Variants in KCNIP1 observed in about 807,000 individuals in gnomAD.
KCNIP1 encodes potassium voltage-gated channel interacting protein 1, also known as A-type potassium channel modulatory protein KCNIP1.
A neutral mutation model predicts 33.0 loss-of-function variants in KCNIP1; 18 were observed. The observed-to-expected ratio is 0.55, with a 90% CI of 0.38 to 0.81. The LOEUF is 0.81. KCNIP1 is among the 30% of genes least tolerant of loss of function. The pLI, the probability that KCNIP1 is intolerant of heterozygous loss-of-function variation, is 0.00. For synonymous variants in KCNIP1, 93 were observed against 98.3 expected (o/e 0.95, Z 0.32); for missense variants, 238 against 271.6 (o/e 0.88, Z 0.87).
intron 1 of KCNIP1, among the ~76,000 whole-genome samples, chr5:170,591,041 CTG>C (rs1561704653): frequency 6.6e-6 from 1 of 152,254 alleles, no homozygotes; most frequent in East Asian, 1.9e-4. Context: ...AACAAGGACA[CTG>C]TGCACCTTTG....
intron 1 of KCNIP1, among the ~76,000 whole-genome samples, chr5:170,604,056 A>T (rs1468070419): frequency 6.6e-6 from 1 of 152,126 alleles, no homozygotes; most frequent in Non-Finnish European, 1.5e-5. Flanking sequence ...TTGAAGTAGG[A>T]TGGAGAGGAA....
At chr5:170,368,461 C>T (rs1763757254) in intron 1 of KCNIP1, among the ~76,000 whole-genome samples, 1 of 152,072 alleles carries the variant, frequency 6.6e-6, no homozygotes, top group South Asian at 2.1e-4. Flanking sequence ...GACAGGGTTT[C>T]ACAATGTTTT....
chr5:170,633,624 C>T (rs1030809051), intron 1 of KCNIP1, among the ~76,000 whole-genome samples: 13 of 146,712 alleles, frequency 8.9e-5, no homozygotes, highest in South Asian at 2.3e-4. Flanking sequence ...AGCTAAAAGG[C>T]CAGGGACAGA....
At chr5:170,438,976 C>T (rs1346207384) in intron 1 of KCNIP1, among the ~76,000 whole-genome samples, 1 of 152,162 alleles carries the variant, frequency 6.6e-6, no homozygotes, top group Non-Finnish European at 1.5e-5. Flanking sequence ...GCACTCTTCC[C>T]CTGGCTTCTG....
rs771280031 is a variant in KCNIP1 at position 170,383,753 on chromosome 5, A to G, written c.88+29789A>G. The G allele has an allele frequency of 7.4e-6, 12 of 1,614,060 alleles. No individual in the cohort carries two copies. Among genetic ancestry groups the G allele is most frequent in the Middle Eastern group, 1.6e-4 (1 of 6,084 alleles). ...CTGCCGGCAGCTGACACGTTGACCC[A>G]CAGGCATGGGTACTGGGGCACCTTC... On this transcript the variant is annotated intron_variant, in intron 1 of 7. Coordinates refer to the KCNIP1 transcript ENST00000377360.
chr5:170,670,167 G>A (rs1761858469), intron 1 of KCNIP1, among the ~76,000 whole-genome samples: 1 of 152,196 alleles, frequency 6.6e-6, no homozygotes, highest in South Asian at 2.1e-4. Context: ...AGGATCGAAA[G>A]GCCAGGTTCC....
intron 1 of KCNIP1, among the ~76,000 whole-genome samples, chr5:170,573,499 CTATTT>C (rs992856730): frequency 4.5e-4 from 69 of 152,154 alleles, no homozygotes; most frequent in African/African-American, 1.6e-3. Context: ...CATCAATTTA[CTATTT>C]TAGGTTGTCT....
intron 1 of KCNIP1, among the ~76,000 whole-genome samples, chr5:170,635,133 A>G (rs973276385): frequency 1.3e-5 from 2 of 152,178 alleles, no homozygotes; most frequent in African/African-American, 4.8e-5. Context: ...GGGCTAAGGC[A>G]ATTCTTGTGC....
chr5:170,615,916 T>C (rs542759977), intron 1 of KCNIP1, among the ~76,000 whole-genome samples: 2 of 152,256 alleles, frequency 1.3e-5, no homozygotes, highest in East Asian at 3.9e-4. Context: ...TAGCTGGGTT[T>C]GTTGTTGTTT....
At chr5:170,707,210 G>T (rs901077380) in intron 1 of KCNIP1, among the ~76,000 whole-genome samples, 4 of 151,290 alleles carry the variant, frequency 2.6e-5, no homozygotes, top group South Asian at 2.1e-4. Context: ...AGACAAAAAG[G>T]TCCACTTAAA....
rs551711692 is a variant in KCNIP1, at chr5:170,631,534, G to A, written c.62-87224G>A. The stretch of plus-strand genomic sequence containing the variant: ...GCAAAAGAAACGCAGGGGCTTTCCC[G>A]AATGGAATTTTAGAAACACACAGAA... On this transcript the variant is annotated intron_variant, in intron 1 of 7. Transcript: ENST00000328939. Among the ~76,000 whole-genome samples the A allele has an allele frequency of 3.5e-4, 54 of 152,304 alleles. No homozygotes were observed. The South Asian group carries it at 9.7e-3, about 27-fold the overall frequency.
At chr5:170,732,943 C>A (rs1764255297) in intron 6 of KCNIP1, 39 bp downstream of exon 6, 3 of 1,311,414 alleles carry the variant, frequency 2.3e-6, no homozygotes, top group Non-Finnish European at 3.3e-6. Flanking sequence ...GTAAGCCCAG[C>A]CTAGATCAAG....
chr5:170,430,683 C>T lies in KCNIP1; in HGVS notation c.88+76719C>T, dbSNP rs777157185. Among the ~76,000 whole-genome samples, 13 of 152,288 alleles carry T rather than the reference C, an allele frequency of 8.5e-5. 1 individual carries two copies. The highest frequency in any genetic ancestry group is 3.4e-3 in the Middle Eastern group (1 of 294). On this transcript the variant is annotated intron_variant, in intron 1 of 7. Transcript: ENST00000377360. ...TGCTTGCTAAACCAAAGACTCAGCC[C>T]CTCATCAGGAACCAGTGAAGGACAG... is the stretch of plus-strand genomic sequence containing the variant.
At chr5:170,603,330 G>A (rs1295786745) in intron 1 of KCNIP1, among the ~76,000 whole-genome samples, 1 of 152,230 alleles carries the variant, frequency 6.6e-6, no homozygotes, top group African/African-American at 2.4e-5. Context: ...GCGGGGAGGA[G>A]GGGCTGAAGG....
intron 1 of KCNIP1, among the ~76,000 whole-genome samples, chr5:170,432,365 G>C (rs1008971521): frequency 6.6e-6 from 1 of 152,146 alleles, no homozygotes; most frequent in Non-Finnish European, 1.5e-5. Flanking sequence ...TATGTATTGG[G>C]AATGGTGCCT....
rs766653856 is a variant in KCNIP1, at chr5:170,378,760, T to A, written c.88+24796T>A. On this transcript the variant is annotated intron_variant, in intron 1 of 7. Coordinates refer to the KCNIP1 transcript ENST00000377360. ...TGGTTGCTCTTCACCATGGCGATAA[T>A]GAGGAGGCCACCGGTCAGCAGGAAG... The A allele has an allele frequency of 3.7e-6, 6 of 1,613,984 alleles. No individual in the cohort carries two copies. The Admixed American group carries it at 1.0e-4, about 27-fold the overall frequency.
At chr5:170,622,412 A>G (rs1304309899) in intron 1 of KCNIP1, among the ~76,000 whole-genome samples, 1 of 152,082 alleles carries the variant, frequency 6.6e-6, no homozygotes, top group African/African-American at 2.4e-5. Flanking sequence ...ACTTGAGGTT[A>G]GGAGTTCAAG....
chr5:170,538,625 A>C (rs1350535641), intron 1 of KCNIP1, among the ~76,000 whole-genome samples: 1 of 151,658 alleles, frequency 6.6e-6, no homozygotes, highest in Non-Finnish European at 1.5e-5. Flanking sequence ...CCCTTGCACC[A>C]GCTGTGTCCT....
chr5:170,597,186 C>T (rs1297021096), intron 1 of KCNIP1, among the ~76,000 whole-genome samples: 2 of 152,164 alleles, frequency 1.3e-5, no homozygotes, highest in South Asian at 2.1e-4. Flanking sequence ...CATTTAGGCC[C>T]GCACGGTGGG....
Sources: gnomAD v4.1 joint callset for allele counts (sites outside exome capture counted in the v4.1 genomes callset) on GRCh38, gnomAD v4.1.1 for gene constraint, MANE v1.5 for transcripts, NCBI Gene and HGNC (gene_info 2026-07-23, HGNC 2026-07-21) for gene names.